Variants in CHLSN observed in about 807,000 individuals in gnomAD.
The protein encoded by CHLSN is protein cholesin.
chr7:1,069,358 C>T, the CHLSN span, among the ~76,000 whole-genome samples: 14 of 114,208 alleles, frequency 1.2e-4, no homozygotes, highest in Non-Finnish European at 2.4e-4. Context: ...TCTCCCTCTC[C>T]CCTCTCCCCT....
At chr7:1,094,189 T>G in the CHLSN span, among the ~76,000 whole-genome samples, 15 of 152,110 alleles carry the variant, frequency 9.9e-5, no homozygotes, top group Non-Finnish European at 2.1e-4. Flanking sequence ...GCCGGGAAGG[T>G]TCCTGCTCCT....
chr7:1,030,042 T>G, the CHLSN span, among the ~76,000 whole-genome samples: 8 of 152,284 alleles, frequency 5.3e-5, no homozygotes, highest in Admixed American at 3.9e-4. Flanking sequence ...GAGAAGGAAG[T>G]GTGTGCTCAG....
the CHLSN span, among the ~76,000 whole-genome samples, chr7:1,008,791 TAC>T: frequency 1.3e-5 from 2 of 150,152 alleles, no homozygotes; most frequent in Non-Finnish European, 1.5e-5. Context: ...CACGCACATG[TAC>T]ACACGTGTAT....
chr7:997,201 G>C, the CHLSN span: 3 of 158,934 alleles, frequency 1.9e-5, no homozygotes, highest in African/African-American at 4.8e-5. Flanking sequence ...CCCACGCAGG[G>C]GGATCGGGAA....
chr7:1,103,472 T>G, the CHLSN span, among the ~76,000 whole-genome samples: 1 of 152,208 alleles, frequency 6.6e-6, no homozygotes, highest in Non-Finnish European at 1.5e-5. Flanking sequence ...TATCTGCAGC[T>G]GAGGAGGCTG....
At chr7:979,477 T>C in the CHLSN span, among the ~76,000 whole-genome samples, 2 of 151,858 alleles carry the variant, frequency 1.3e-5, no homozygotes, top group Non-Finnish European at 2.9e-5. Context: ...TTTGGCCGGG[T>C]GTGGTGGCTC....
the CHLSN span, among the ~76,000 whole-genome samples, chr7:978,838 G>A: frequency 2.6e-5 from 4 of 152,270 alleles, no homozygotes; most frequent in Admixed American, 2.6e-4. Context: ...TTGCACTTGG[G>A]CAGGGCTTGG....
chr7:1,068,561 T>A, the CHLSN span, among the ~76,000 whole-genome samples: 1 of 152,194 alleles, frequency 6.6e-6, no homozygotes, highest in East Asian at 1.9e-4. Context: ...CACAGTGTCT[T>A]GCTTGCTTAG....
At chr7:997,723 C>T in the CHLSN span, 1 of 1,611,694 alleles carries the variant, frequency 6.2e-7, no homozygotes, top group Non-Finnish European at 8.5e-7. Flanking sequence ...AGGGCTTCCG[C>T]CTTCTGCACC....
At chr7:1,061,252 G>A in the CHLSN span, among the ~76,000 whole-genome samples, 1 of 152,128 alleles carries the variant, frequency 6.6e-6, no homozygotes. Context: ...ATCCCACCCT[G>A]CTGGGTGGCC....
the CHLSN span, among the ~76,000 whole-genome samples, chr7:1,124,006 C>G: frequency 6.6e-6 from 1 of 152,180 alleles, no homozygotes; most frequent in Non-Finnish European, 1.5e-5. Flanking sequence ...CGCCAGTGGC[C>G]GGAAAGCCAA....
At chr7:1,048,232 G>T in the CHLSN span, among the ~76,000 whole-genome samples, 2 of 152,324 alleles carry the variant, frequency 1.3e-5, no homozygotes, top group East Asian at 3.9e-4. Context: ...ACTTCGTGGG[G>T]ATCACCGGGC....
chr7:1,127,594 TGTC>T, the CHLSN span, among the ~76,000 whole-genome samples: 3 of 151,538 alleles, frequency 2.0e-5, no homozygotes, highest in Admixed American at 6.6e-5. Flanking sequence ...ATTTCCTTTC[TGTC>T]TTTTTTTTTT....
At chr7:1,107,829 C>T in the CHLSN span, among the ~76,000 whole-genome samples, 1 of 150,560 alleles carries the variant, frequency 6.6e-6, no homozygotes, top group African/African-American at 2.4e-5. Context: ...CTGTGTCCCA[C>T]ACTGGAGACC....
At chr7:1,127,320 C>T in the CHLSN span, 36 of 1,611,256 alleles carry the variant, frequency 2.2e-5, no homozygotes, top group East Asian at 2.5e-4. Flanking sequence ...CCTCTGCTGA[C>T]GCCTTCTTCA....
the CHLSN span, among the ~76,000 whole-genome samples, chr7:1,096,041 C>A: frequency 3.9e-5 from 6 of 152,334 alleles, no homozygotes; most frequent in African/African-American, 1.4e-4. The surrounding 1 kb of genome is among the most constrained non-coding windows in gnomAD (Gnocchi z 4.6). Flanking sequence ...GGACTCAACT[C>A]ATTCCTCCAC....
chr7:1,019,215 G>C, the CHLSN span, among the ~76,000 whole-genome samples: 18 of 124,526 alleles, frequency 1.4e-4, no homozygotes, highest in Middle Eastern at 3.6e-3. Flanking sequence ...AAAAAAACGG[G>C]GGGGGGGGAG....
chr7:997,444 G>A, the CHLSN span: 4 of 553,110 alleles, frequency 7.2e-6, no homozygotes, highest in Non-Finnish European at 6.2e-6. Flanking sequence ...CTGGAGGAGG[G>A]AAGGGGCCCT....
chr7:1,028,130 G>T, the CHLSN span: 1 of 582,076 alleles, frequency 1.7e-6, no homozygotes, highest in Non-Finnish European at 2.2e-6. Flanking sequence ...AGCGGGGCCC[G>T]CAGCAGCGTC....
Sources: gnomAD v4.1 joint callset for allele counts (sites outside exome capture counted in the v4.1 genomes callset) on GRCh38, gnomAD v4.1.1 for gene constraint, Gnocchi (gnomAD v3.1) non-coding constraint, MANE v1.5 for transcripts, NCBI Gene and HGNC (gene_info 2026-07-23, HGNC 2026-07-21) for gene names.